PAFAH1B2: variants seen among roughly 807,000 people sequenced by gnomAD.
The protein encoded by PAFAH1B2 is platelet-activating factor acetylhydrolase IB subunit alpha2.
PAFAH1B2 carries 8 observed loss-of-function variants against 28.0 expected under a neutral mutation model. That is an observed-to-expected ratio of 0.29 (90% CI 0.17 to 0.52). The LOEUF (loss-of-function observed/expected upper bound fraction) is 0.52. Among genes scored for constraint, PAFAH1B2 ranks in the 20% least tolerant of loss-of-function variants. The pLI is 0.97. For synonymous variants in PAFAH1B2, 104 were observed against 103.2 expected, an observed-to-expected ratio of 1.01 and a Z score of -0.05; for missense variants, 190 against 282.6, an observed-to-expected ratio of 0.67 and a Z score of 2.35.
intron 2 of PAFAH1B2, among the ~76,000 whole-genome samples, chr11:117,153,371 GT>G: frequency 1.3e-5 from 1 of 74,672 alleles, no homozygotes; most frequent in East Asian, 2.5e-4. Flanking sequence ...TTTTGTTTTA[GT>G]TTTTTTTTTG....
In PAFAH1B2 at chr11:117,170,786, T is replaced by C. The variant is rs143337330; in HGVS notation, c.*3087T>C. ...TGCAGTGAAGAAGAAACTAAAAATA[T>C]ATGGAAATGAGGAGCATGTCCAAGC... On this transcript the variant is annotated 3_prime_UTR_variant, in exon 6 of 6. Transcript: ENST00000527958. 1.6e-5 allele frequency: 17 copies of C among 1,060,500 alleles called. No individual in the cohort carries two copies. The highest frequency in any genetic ancestry group is 1.1e-4 in the African/African-American group (7 of 60,874). The allele number at this position is 1,060,500 out of a possible 1,614,324, so 65.7% of individuals were successfully genotyped here.
chr11:117,149,187 C>T (rs1956085089), intron 1 of PAFAH1B2, among the ~76,000 whole-genome samples: 1 of 151,156 alleles, frequency 6.6e-6, no homozygotes, highest in African/African-American at 2.4e-5. Context: ...CCAGCCCAAG[C>T]AATCCTCCTG....
At chr11:117,171,596 C>A, downstream of PAFAH1B2, 1 of 861,046 alleles carries the variant, frequency 1.2e-6, no homozygotes, top group Non-Finnish European at 1.9e-6. Context: ...TGAGCACGGA[C>A]TCATTTATCA....
chr11:117,167,316 T>C, intron 5 of PAFAH1B2, 105 bp from the exon 6 acceptor site: 1 of 1,173,390 alleles, frequency 8.5e-7, no homozygotes, highest in Non-Finnish European at 1.2e-6. Context: ...CTCAAAGGTG[T>C]AGAAAGTGCC....
intron 2 of PAFAH1B2, among the ~76,000 whole-genome samples, chr11:117,153,392 T>G (rs556964922): frequency 6.6e-6 from 1 of 152,122 alleles, no homozygotes; most frequent in Non-Finnish European, 1.5e-5. Context: ...GTTGTTGTTG[T>G]TGGTTTTTTG....
At position 117,145,123 on chromosome 11, in the gene PAFAH1B2, T is replaced by A. The variant is rs374247747; in HGVS notation, c.-8+705T>A. Reference sequence around the variant, plus strand: ...TAGACATGAATGTGCTCGGAGCGGCTGGTGACCTGCCCAAGGTCAGCCAGC... The same window carrying A: ...TAGACATGAATGTGCTCGGAGCGGCAGGTGACCTGCCCAAGGTCAGCCAGC... On this transcript the variant is annotated intron_variant, in intron 1 of 5. Coordinates refer to ENST00000527958, the MANE Select transcript of PAFAH1B2 (RefSeq NM_002572.4). 1.3e-4 allele frequency among the ~76,000 whole-genome samples: 20 copies of A among 152,254 alleles called. No individual in the cohort carries two copies. In the South Asian group the frequency reaches 2.3e-3, roughly 17 times the overall value.
At chr11:117,174,925 C>T (rs1241904186), downstream of PAFAH1B2, 5 of 1,526,936 alleles carry the variant, frequency 3.3e-6, no homozygotes, top group African/African-American at 2.8e-5. Context: ...ATCTTCAGGT[C>T]ATTTTAACAA....
chr11:117,178,064 T>A (rs1294990780), downstream of PAFAH1B2, among the ~76,000 whole-genome samples: 1 of 152,192 alleles, frequency 6.6e-6, no homozygotes, highest in East Asian at 1.9e-4. Context: ...AGTCCAGAAG[T>A]GGAATTACTG....
At chr11:117,146,433 T>C (rs1237310547) in intron 1 of PAFAH1B2, among the ~76,000 whole-genome samples, 1 of 152,150 alleles carries the variant, frequency 6.6e-6, no homozygotes, top group Non-Finnish European at 1.5e-5. Context: ...CTTAGTTCGT[T>C]CTTATTTTAT....
intron 1 of PAFAH1B2, among the ~76,000 whole-genome samples, chr11:117,151,898 A>G (rs1158310734): frequency 6.6e-6 from 1 of 151,716 alleles, no homozygotes; most frequent in Non-Finnish European, 1.5e-5. Flanking sequence ...TAGTAGAGGC[A>G]GGGTTTCACC....
At chr11:117,150,285 C>T (rs1434377558) in intron 1 of PAFAH1B2, among the ~76,000 whole-genome samples, 1 of 152,046 alleles carries the variant, frequency 6.6e-6, no homozygotes, top group African/African-American at 2.4e-5. Context: ...GTAGCTGCAG[C>T]TTACAGGCGT....
chr11:117,156,460 A>G (rs527422086), intron 2 of PAFAH1B2, among the ~76,000 whole-genome samples: 1 of 152,304 alleles, frequency 6.6e-6, no homozygotes, highest in East Asian at 1.9e-4. Context: ...CTGGCCCCAG[A>G]CATATAGTGC....
intron 1 of PAFAH1B2, among the ~76,000 whole-genome samples, chr11:117,151,585 A>G (rs928661062): frequency 6.6e-6 from 1 of 152,030 alleles, no homozygotes. Flanking sequence ...CCTAGTAAAC[A>G]TTTGTCGAAA....
In PAFAH1B2 at chr11:117,154,123, A is replaced by G. The variant is rs78123099; in HGVS notation, c.81+1595A>G. 1.3e-3 allele frequency among the ~76,000 whole-genome samples: 195 copies of G among 150,994 alleles called. 3 individuals are homozygous for G. In the East Asian group the frequency reaches 0.035, roughly 27 times the overall value. ...ATTGAGACCTTATCTCAAAAAGAAA[A>G]AAAAGAAGTATACCACAGTTGATTT... On this transcript the variant is annotated intron_variant, in intron 2 of 5. Transcript: ENST00000527958.
chr11:117,144,524 T>A, intron 1 of PAFAH1B2, 106 bp downstream of exon 1: 1 of 176,298 alleles, frequency 5.7e-6, no homozygotes. Flanking sequence ...CCCCCACCCT[T>A]GCGGCCCCTC....
Position 117,161,367 on chromosome 11 carries a change from C to T in PAFAH1B2, c.288+106C>T, listed in dbSNP as rs1956365675. On this transcript the variant is annotated intron_variant, in intron 4 of 5. Coordinates refer to ENST00000527958, the MANE Select transcript of PAFAH1B2 (RefSeq NM_002572.4). ...ATTGCTTCTTTAAAGACCTATTTCA[C>T]TATTTTTTTCGTGCCTCTTTAAGGT... 6.1e-6 allele frequency: 4 copies of T among 652,462 alleles called. No homozygotes were observed. In the Admixed American group the frequency reaches 1.2e-4, roughly 20 times the overall value. 40.4% of individuals were successfully genotyped at this position (652,462 alleles called of 1,614,324 possible).
chr11:117,168,601 G>A lies in PAFAH1B2; in HGVS notation c.*902G>A, dbSNP rs912523568. 1.9e-6 allele frequency: 2 copies of A among 1,062,612 alleles called. No homozygotes were observed. The highest frequency in any genetic ancestry group is 1.1e-4 in the Admixed American group (2 of 18,532). 65.8% of individuals were successfully genotyped at this position (1,062,612 alleles called of 1,614,324 possible). ...AACTCATTCTTGTGTGGTGTTCTGT[G>A]CTATAGATTCTGTGTATTGCTGTTC... On this transcript the variant is annotated 3_prime_UTR_variant, in exon 6 of 6. Coordinates refer to ENST00000527958, the MANE Select transcript of PAFAH1B2 (RefSeq NM_002572.4).
intron 1 of PAFAH1B2, among the ~76,000 whole-genome samples, chr11:117,145,447 C>CG (rs11420191): frequency 0.85 from 129,608 of 152,050 alleles, 55,844 homozygotes; most frequent in Non-Finnish European, 0.89. Context: ...GGGGTTGGGC[C>CG]GGGGGTAAAG....
At chr11:117,157,703 G>A (rs1184296351) in intron 2 of PAFAH1B2, among the ~76,000 whole-genome samples, 1 of 152,078 alleles carries the variant, frequency 6.6e-6, no homozygotes, top group Non-Finnish European at 1.5e-5. Context: ...AAGGCAGGAG[G>A]GTCACTTGAG....
Sources: allele counts gnomAD v4.1 joint callset (sites outside exome capture counted in the v4.1 genomes callset), GRCh38; gene constraint gnomAD v4.1.1; transcripts MANE v1.5; gene names NCBI Gene and HGNC (gene_info 2026-07-23, HGNC 2026-07-21).